The following SPAG16 variants were observed in gnomAD, a reference collection of about 807,000 sequenced individuals.
SPAG16 encodes sperm associated antigen 16.
Under a neutral mutation model 80.4 loss-of-function variants are expected in SPAG16, and 86 were observed. The ratio of observed to expected loss-of-function variants is 1.07; its 90% CI spans 0.90 to 1.28. SPAG16 has a LOEUF of 1.28. Among genes scored for constraint, SPAG16 ranks in the 50% most tolerant of loss-of-function variants. The pLI is 0.00. For missense variants in SPAG16, 870 were observed against 765.3 expected (o/e 1.14, Z -1.61); for synonymous variants, 294 against 265.9 (o/e 1.11, Z -1.03).
intron 10 of SPAG16, among the ~76,000 whole-genome samples, chr2:213,796,290 G>A (rs1361119762): frequency 3.3e-5 from 5 of 151,738 alleles, no homozygotes; most frequent in African/African-American, 4.8e-5. Context: ...CATTACCCCC[G>A]AAAAAAGTCC....
chr2:213,375,080 A>G lies in SPAG16; in HGVS notation c.903A>G (p.Glu301=). 6.2e-7 allele frequency: 1 copy of G among 1,609,444 alleles called. No individual in the cohort carries two copies. Among genetic ancestry groups the G allele is most frequent in the South Asian group, 1.1e-5 (1 of 90,202 alleles). The change falls in exon 9 of 16, where the codon GAA becomes GAG. Residue 301 remains glutamate (E), a synonymous_variant. Coordinates refer to ENST00000331683, the MANE Select transcript of SPAG16 (RefSeq NM_024532.5). The stretch of plus-strand genomic sequence containing the variant: ...AGAAAGGTCTTCGTGAAGCCAGGGA[A>G]CAAAACAAATGTAAAACAAAGATGA... The part of the protein sequence containing the change: ...PTQKGLREAR[E]QNKCKTKMKG...
At chr2:213,977,443 C>G (rs113726898) in intron 12 of SPAG16, among the ~76,000 whole-genome samples, 2,286 of 152,074 alleles carry the variant, frequency 0.015, 62 homozygotes, top group African/African-American at 0.052. Context: ...CTGCCCCCCC[C>G]ATACCCAATA....
At chr2:213,779,241 G>A (rs1164498750) in intron 10 of SPAG16, among the ~76,000 whole-genome samples, 3 of 151,808 alleles carry the variant, frequency 2.0e-5, no homozygotes, top group Non-Finnish European at 4.4e-5. Flanking sequence ...TCTTAAATAC[G>A]TCTGTTTCTT....
chr2:214,310,976 C>A lies in SPAG16; in HGVS notation c.1721-99164C>A, dbSNP rs371054455. ...GCAGTGGGCACACCTTCACTGAGGA[C>A]ACAGCTATCCCAAAAAATGCTGGAA... On this transcript the variant is annotated intron_variant, in intron 15 of 15. Transcript: ENST00000331683. 8.2e-4 allele frequency among the ~76,000 whole-genome samples: 125 copies of A among 152,296 alleles called. 2 individuals carry two copies. Among genetic ancestry groups the A allele is most frequent in the South Asian group, 5.2e-3 (25 of 4,824 alleles).
At chr2:214,336,955 C>A (rs1460915353) in intron 15 of SPAG16, among the ~76,000 whole-genome samples, 1 of 55,542 alleles carries the variant, frequency 1.8e-5, no homozygotes, top group African/African-American at 3.3e-5. Context: ...GGCTTCTAGA[C>A]TACCTCACTT....
chr2:214,264,625 TA>T lies in SPAG16; in HGVS notation c.1720+115360del, dbSNP rs761799786. Among the ~76,000 whole-genome samples, 237 of 152,314 alleles carry T rather than the reference TA, an allele frequency of 1.6e-3. 1 individual carries two copies. Among genetic ancestry groups the T allele is most frequent in the Non-Finnish European group, 2.8e-3 (189 of 68,020 alleles). ...TATAACTGATGAAGTAATATTGATA[TA>T]TTGTTATTAAATAAAGTCCATTAAG... On this transcript the variant is annotated intron_variant, in intron 15 of 15. Coordinates refer to ENST00000331683, the MANE Select transcript of SPAG16 (RefSeq NM_024532.5).
intron 13 of SPAG16, among the ~76,000 whole-genome samples, chr2:214,097,494 G>A (rs2052670918): frequency 6.6e-6 from 1 of 152,014 alleles, no homozygotes; most frequent in Non-Finnish European, 1.5e-5. Context: ...CTGTCAGATG[G>A]TTGTGACATT....
chr2:214,169,046 C>A (rs1330718336), intron 15 of SPAG16, among the ~76,000 whole-genome samples: 1 of 152,048 alleles, frequency 6.6e-6, no homozygotes, highest in East Asian at 1.9e-4. Context: ...CCAATGTTTT[C>A]TATTAATGGT....
intron 11 of SPAG16, among the ~76,000 whole-genome samples, chr2:213,928,119 G>T (rs10178999): frequency 0.59 from 88,983 of 151,848 alleles, 27,947 homozygotes; most frequent in South Asian, 0.84. Context: ...AGATGGAGTC[G>T]CAGTCCCCCA....
At chr2:213,740,903 A>G (rs921103729) in intron 10 of SPAG16, among the ~76,000 whole-genome samples, 2 of 152,198 alleles carry the variant, frequency 1.3e-5, no homozygotes, top group Non-Finnish European at 2.9e-5. Flanking sequence ...GGCAATAGAA[A>G]CCACTTTCAA....
At chr2:213,564,323 C>T (rs776613984) in intron 10 of SPAG16, among the ~76,000 whole-genome samples, 2 of 151,784 alleles carry the variant, frequency 1.3e-5, no homozygotes, top group Non-Finnish European at 2.9e-5. Flanking sequence ...GGTGACACCC[C>T]ATCTCTGCTA....
At chr2:213,417,187 A>T (rs78822469) in intron 9 of SPAG16, among the ~76,000 whole-genome samples, 1 of 151,938 alleles carries the variant, frequency 6.6e-6, no homozygotes, top group Non-Finnish European at 1.5e-5. Flanking sequence ...CAAGCATCAT[A>T]CTATATAGAA....
At chr2:213,703,591 C>G (rs1174349022) in intron 10 of SPAG16, among the ~76,000 whole-genome samples, 1 of 152,192 alleles carries the variant, frequency 6.6e-6, no homozygotes, top group Non-Finnish European at 1.5e-5. Context: ...CCATATGTGG[C>G]AGACACCACA....
intron 9 of SPAG16, among the ~76,000 whole-genome samples, chr2:213,439,134 A>G (rs923841507): frequency 2.0e-5 from 3 of 152,282 alleles, no homozygotes; most frequent in East Asian, 3.9e-4. Flanking sequence ...GTCAATTCCT[A>G]CTCACACTCC....
intron 11 of SPAG16, among the ~76,000 whole-genome samples, chr2:213,924,713 C>T (rs2078385760): frequency 6.6e-6 from 1 of 152,022 alleles, no homozygotes; most frequent in African/African-American, 2.4e-5. Context: ...GTTTAGTGTG[C>T]CTCGTGTAAA....
chr2:213,295,149 C>G (rs764827770), intron 1 of SPAG16, among the ~76,000 whole-genome samples: 2 of 152,234 alleles, frequency 1.3e-5, no homozygotes, highest in Admixed American at 1.3e-4. Context: ...CTTTGATTTT[C>G]ATAACCATTA....
intron 13 of SPAG16, among the ~76,000 whole-genome samples, chr2:214,044,045 T>C (rs952752523): frequency 2.0e-5 from 3 of 152,070 alleles, no homozygotes; most frequent in Non-Finnish European, 2.9e-5. Context: ...TTATATATTA[T>C]TGTCTTATTT....
chr2:213,893,479 G>A (rs2076866902), intron 11 of SPAG16, among the ~76,000 whole-genome samples: 5 of 152,126 alleles, frequency 3.3e-5, no homozygotes, highest in Admixed American at 3.3e-4. Context: ...AAGCCCAAAA[G>A]ACAGTTCTAT....
intron 14 of SPAG16, among the ~76,000 whole-genome samples, chr2:214,113,578 C>T (rs2053783298): frequency 6.6e-6 from 1 of 152,178 alleles, no homozygotes; most frequent in Admixed American, 6.5e-5. Context: ...ATTTTATCTT[C>T]AATCACTGAT....
Sources: gnomAD v4.1 joint callset for allele counts (sites outside exome capture counted in the v4.1 genomes callset) on GRCh38, gnomAD v4.1.1 for gene constraint, MANE v1.5 for transcripts, NCBI Gene and HGNC (gene_info 2026-07-23, HGNC 2026-07-21) for gene names.